Variants in SLC2A13 observed in about 807,000 individuals in gnomAD.
SLC2A13 encodes proton myo-inositol cotransporter.
SLC2A13 carries 32 observed loss-of-function variants against 64.4 expected under a neutral mutation model. The ratio of observed to expected loss-of-function variants is 0.50; its 90% CI spans 0.37 to 0.67. The LOEUF (loss-of-function observed/expected upper bound fraction) is 0.67. Among genes scored for constraint, SLC2A13 ranks in the 30% least tolerant of loss-of-function variants. The pLI is 0.00. For synonymous variants in SLC2A13, 338 were observed against 327.1 expected (o/e 1.03, Z -0.36); for missense variants, 743 against 829.2 (o/e 0.90, Z 1.28).
rs151282205 is a variant in SLC2A13 at position 40,038,091 on chromosome 12, G to T, written c.717-9582C>A. ...TTCTTAACATGAAACTTAGATCACTGACTTTAAACCTTTCCTCTTCTCTAC... is the reference window on the plus strand; with the variant it reads ...TTCTTAACATGAAACTTAGATCACTTACTTTAAACCTTTCCTCTTCTCTAC... On this transcript the variant is annotated intron_variant, in intron 2 of 9. Transcript: ENST00000280871. Among the ~76,000 whole-genome samples, 597 of 152,232 alleles carry T rather than the reference G, an allele frequency of 3.9e-3. 4 individuals are homozygous for T. Among genetic ancestry groups the T allele is most frequent in the African/African-American group, 0.014 (578 of 41,536 alleles).
intron 1 of SLC2A13, among the ~76,000 whole-genome samples, chr12:40,057,740 C>T (rs1302878035): frequency 1.3e-5 from 2 of 152,094 alleles, no homozygotes; most frequent in Middle Eastern, 3.2e-3. Flanking sequence ...AAGAATTTTA[C>T]GCAGTTGGAA....
rs775403215 is a variant in SLC2A13, at chr12:40,050,831, G to A, written c.557-2621C>T. Reference sequence around the variant, plus strand: ...GCCACTTATCAGCTGGTTAAGTTTGGACAACTTACTTGACTTTTCTGGGTC... The same window carrying A: ...GCCACTTATCAGCTGGTTAAGTTTGAACAACTTACTTGACTTTTCTGGGTC... On this transcript the variant is annotated intron_variant, in intron 1 of 9. Coordinates refer to ENST00000280871, the MANE Select transcript of SLC2A13 (RefSeq NM_052885.4). Among the ~76,000 whole-genome samples the A allele has an allele frequency of 4.6e-5, 7 of 152,208 alleles. No homozygotes were observed. The East Asian group carries it at 5.8e-4, about 13-fold the overall frequency.
intron 1 of SLC2A13, among the ~76,000 whole-genome samples, chr12:40,083,305 C>A (rs1303449712): frequency 6.6e-6 from 1 of 152,114 alleles, no homozygotes; most frequent in Admixed American, 6.5e-5. Flanking sequence ...CCCCTAGGGT[C>A]CTCTTTTCCA....
At chr12:39,901,250 C>T (rs1044998680) in intron 4 of SLC2A13, among the ~76,000 whole-genome samples, 1 of 152,140 alleles carries the variant, frequency 6.6e-6, no homozygotes, top group African/African-American at 2.4e-5. Context: ...AGAAGAAAAC[C>T]TAGGCAATAC....
intron 3 of SLC2A13, among the ~76,000 whole-genome samples, chr12:39,966,963 T>C (rs1237545895): frequency 1.3e-5 from 2 of 152,172 alleles, no homozygotes; most frequent in Non-Finnish European, 2.9e-5. Context: ...TCTCTAGGGA[T>C]GAGGTCAGTA....
intron 7 of SLC2A13, among the ~76,000 whole-genome samples, chr12:39,800,234 A>G (rs906805643): frequency 1.3e-5 from 2 of 152,226 alleles, no homozygotes; most frequent in Non-Finnish European, 2.9e-5. Context: ...AACAGAAAAA[A>G]TAATTTGTGA....
intron 4 of SLC2A13, among the ~76,000 whole-genome samples, chr12:39,916,217 A>T (rs1945519518): frequency 6.6e-6 from 1 of 151,834 alleles, no homozygotes; most frequent in Non-Finnish European, 1.5e-5. Context: ...TCACAGATAC[A>T]CTCCAAGCAG....
intron 7 of SLC2A13, among the ~76,000 whole-genome samples, chr12:39,822,811 T>C (rs1942561161): frequency 6.6e-6 from 1 of 152,208 alleles, no homozygotes; most frequent in East Asian, 1.9e-4. Context: ...AAATGAAAGG[T>C]AGTTAAATAT....
At chr12:39,866,246 G>C (rs2135929860) in intron 5 of SLC2A13, among the ~76,000 whole-genome samples, 1 of 152,322 alleles carries the variant, frequency 6.6e-6, no homozygotes, top group African/African-American at 2.4e-5. Context: ...TATAATAGTT[G>C]AGATGTTTTT....
intron 6 of SLC2A13, among the ~76,000 whole-genome samples, chr12:39,839,955 C>G (rs1215227109): frequency 1.3e-5 from 2 of 152,080 alleles, no homozygotes; most frequent in African/African-American, 4.8e-5. Flanking sequence ...GCAGAACATT[C>G]ATATTTAAAT....
At chr12:39,879,450 G>T (rs955791715) in intron 4 of SLC2A13, among the ~76,000 whole-genome samples, 3 of 152,236 alleles carry the variant, frequency 2.0e-5, no homozygotes, top group African/African-American at 4.8e-5. Flanking sequence ...CAAGGGTAAA[G>T]GTGCCCAAGG....
chr12:39,823,429 T>C (rs1179014331), intron 7 of SLC2A13, among the ~76,000 whole-genome samples: 1 of 150,724 alleles, frequency 6.6e-6, no homozygotes, highest in Non-Finnish European at 1.5e-5. Flanking sequence ...AAAAGTGATA[T>C]CTCTTTTCAA....
chr12:39,844,271 A>T (rs1192855610), intron 6 of SLC2A13, among the ~76,000 whole-genome samples: 1 of 152,100 alleles, frequency 6.6e-6, no homozygotes. Flanking sequence ...TTCAAGGCAT[A>T]GGGTAGATAG....
intron 3 of SLC2A13, 37 bp downstream of exon 3, chr12:40,028,264 T>G: frequency 6.6e-7 from 1 of 1,507,286 alleles, no homozygotes; most frequent in South Asian, 1.2e-5. Context: ...GACCACTGTA[T>G]AGTTTTTAAA....
At chr12:39,937,589 G>A (rs570759213) in intron 4 of SLC2A13, among the ~76,000 whole-genome samples, 3 of 152,258 alleles carry the variant, frequency 2.0e-5, no homozygotes, top group African/African-American at 7.2e-5. Flanking sequence ...TTCAGAAAAA[G>A]GAAGGCAAGG....
intron 7 of SLC2A13, among the ~76,000 whole-genome samples, chr12:39,789,699 C>G (rs572918441): frequency 1.3e-5 from 2 of 152,120 alleles, no homozygotes; most frequent in Non-Finnish European, 2.9e-5. Context: ...ATACTACAAC[C>G]TAGCCAACAT....
chr12:40,031,944 C>T (rs764099913), intron 2 of SLC2A13, among the ~76,000 whole-genome samples: 8 of 152,142 alleles, frequency 5.3e-5, no homozygotes, highest in Admixed American at 1.3e-4. Flanking sequence ...TTGTGATACA[C>T]TGGGGCAGGC....
Position 40,105,810 on chromosome 12 carries a change from G to T in SLC2A13, c.-2C>A. On this transcript the variant is annotated 5_prime_UTR_variant, in exon 1 of 10. Coordinates refer to ENST00000280871, the MANE Select transcript of SLC2A13 (RefSeq NM_052885.4). This position sits in a 1 kb window ranked among gnomAD's most constrained non-coding sequence, Gnocchi z 4.2. ...ATTCTCGCTTGCCTTGCGGGACATA[G>T]GGCAGGGGCCCGGGGCTGCCCGGGG... 1 of 1,466,858 alleles carries T rather than the reference G, an allele frequency of 6.8e-7. No individual in the cohort carries two copies. 90.9% of individuals were successfully genotyped at this position (1,466,858 alleles called of 1,614,324 possible).
chr12:39,903,601 T>A (rs1165387553), intron 4 of SLC2A13, among the ~76,000 whole-genome samples: 1 of 151,974 alleles, frequency 6.6e-6, no homozygotes, highest in African/African-American at 2.4e-5. Flanking sequence ...GAGTTCTAGT[T>A]TTCAACTCTG....
Sources: gnomAD v4.1 joint callset for allele counts (sites outside exome capture counted in the v4.1 genomes callset) on GRCh38, gnomAD v4.1.1 for gene constraint, Gnocchi (gnomAD v3.1) non-coding constraint, MANE v1.5 for transcripts, NCBI Gene and HGNC (gene_info 2026-07-23, HGNC 2026-07-21) for gene names.